EFHC1: variants seen among roughly 807,000 people sequenced by gnomAD.
The protein encoded by EFHC1 is EF-hand domain containing 1.
A neutral mutation model predicts 69.9 loss-of-function variants in EFHC1; 53 were observed. That is an observed-to-expected ratio of 0.76 (90% CI 0.61 to 0.95). The LOEUF (loss-of-function observed/expected upper bound fraction) is 0.95. Among genes scored for constraint, EFHC1 ranks in the 40% least tolerant of loss-of-function variants. The pLI, the probability that EFHC1 is intolerant of heterozygous loss-of-function variation, is 0.00. For missense variants in EFHC1, 739 were observed against 798.7 expected, an observed-to-expected ratio of 0.93 and a Z score of 0.90; for synonymous variants, 256 against 278.4, an observed-to-expected ratio of 0.92 and a Z score of 0.80.
At chr6:52,426,147 G>A (rs955382907) in intron 2 of EFHC1, among the ~76,000 whole-genome samples, 7 of 152,248 alleles carry the variant, frequency 4.6e-5, no homozygotes, top group South Asian at 2.1e-4. Flanking sequence ...ACCTTGTGAT[G>A]CCTTTAAGCA....
rs1225136454 is a variant in EFHC1 at position 52,490,159 on chromosome 6, C to T, written c.1660C>T (p.Pro554Ser). 6.2e-7 allele frequency: 1 copy of T among 1,613,822 alleles called. No individual in the cohort carries two copies. The highest frequency in any genetic ancestry group is 1.7e-5 in the Admixed American group (1 of 59,986). ...CTACAGCAAGCAAACTGAAAAGGAT[C>T]CAGGCGTGCAGGAATTGGAAGCATT... ...EAESKQTEKD[P>S]GVQELEALID... The change falls in exon 10 of 11, where the codon CCA (proline) becomes TCA (serine). Residue 554 changes from proline (P) to serine (S), a missense_variant. Physicochemically the swap from Pro to Ser is moderately conservative, Grantham distance 74 (BLOSUM62 -1). Coordinates refer to ENST00000371068, the MANE Select transcript of EFHC1 (RefSeq NM_018100.4).
chr6:52,458,889 G>A (rs1765101216), intron 5 of EFHC1, among the ~76,000 whole-genome samples: 2 of 152,204 alleles, frequency 1.3e-5, no homozygotes, highest in South Asian at 4.1e-4. Flanking sequence ...TAAAGAAAAT[G>A]TGTTAATGGT....
intron 5 of EFHC1, among the ~76,000 whole-genome samples, chr6:52,463,066 C>T (rs895449258): frequency 2.0e-5 from 3 of 151,656 alleles, no homozygotes; most frequent in African/African-American, 4.8e-5. Context: ...CTCTCTCTGT[C>T]GCCCAGGCTG....
At chr6:52,448,281 C>G (rs1042860645) in intron 3 of EFHC1, among the ~76,000 whole-genome samples, 1 of 152,248 alleles carries the variant, frequency 6.6e-6, no homozygotes, top group Non-Finnish European at 1.5e-5. Context: ...GCGGATGCCC[C>G]TCCACCAGCC....
intron 2 of EFHC1, 68 bp from the exon 3 acceptor site, chr6:52,438,236 C>T (rs1764576387): frequency 5.4e-6 from 8 of 1,472,390 alleles, no homozygotes; most frequent in Non-Finnish European, 7.5e-6. Flanking sequence ...CAGGAAGGTA[C>T]TTGATATTTT....
At chr6:52,440,017 G>T (rs983833795) in intron 3 of EFHC1, among the ~76,000 whole-genome samples, 3 of 151,934 alleles carry the variant, frequency 2.0e-5, no homozygotes, top group Non-Finnish European at 4.4e-5. Context: ...GTTTTTATGG[G>T]CAATTTGAAC....
At chr6:52,435,841 C>A (rs888847916) in intron 2 of EFHC1, among the ~76,000 whole-genome samples, 7 of 152,330 alleles carry the variant, frequency 4.6e-5, no homozygotes, top group African/African-American at 1.4e-4. Flanking sequence ...GTTAAGCTTT[C>A]TCTGACCACT....
chr6:52,434,884 C>CGT (rs143426212), intron 2 of EFHC1, among the ~76,000 whole-genome samples: 1 of 148,674 alleles, frequency 6.7e-6, no homozygotes, highest in African/African-American at 2.5e-5. Context: ...TACCTGAGAC[C>CGT]ATATATATAT....
chr6:52,428,445 G>C (rs547451894), intron 2 of EFHC1, among the ~76,000 whole-genome samples: 1 of 152,176 alleles, frequency 6.6e-6, no homozygotes, highest in East Asian at 1.9e-4. Flanking sequence ...ACAATGTTTG[G>C]TTTTCTATTC....
At position 52,427,658 on chromosome 6, in the gene EFHC1, TTATA is replaced by T. The variant is rs573546295; in HGVS notation, c.285+3494_285+3497del. On this transcript the variant is annotated intron_variant, in intron 2 of 10. Coordinates refer to ENST00000371068, the MANE Select transcript of EFHC1 (RefSeq NM_018100.4). ...GTGTATACTTCATGAAGGTAAGGAC[TTATA>T]TAGTTTATTATATATTTAGTGCTCA... Among the ~76,000 whole-genome samples, 237 of 152,304 alleles carry T rather than the reference TTATA, an allele frequency of 1.6e-3. 1 individual carries two copies. The highest frequency in any genetic ancestry group is 2.7e-3 in the Non-Finnish European group (186 of 68,022).
At chr6:52,452,558 T>C in intron 3 of EFHC1, 130 bp from the exon 4 acceptor site, 2 of 1,042,640 alleles carry the variant, frequency 1.9e-6, no homozygotes, top group East Asian at 5.1e-5. Context: ...TACCTCAGCC[T>C]CCCAAAGTGC....
At position 52,454,184 on chromosome 6, in the gene EFHC1, T is replaced by TA; in HGVS notation, c.814dup (p.Thr272AsnfsTer12). 6.2e-7 allele frequency: 1 copy of TA among 1,614,202 alleles called. No individual in the cohort carries two copies. The highest frequency in any genetic ancestry group is 8.5e-7 in the Non-Finnish European group (1 of 1,180,040). On this transcript the variant is annotated frameshift_variant, in exon 5 of 11. Transcript: ENST00000371068. LOFTEE classifies it high-confidence loss of function. ...TCATTCATTACTATCTTATGGATGA[T>TA]ACGGTGGAAATTCGAGAGGTCCACG...
rs764865555 is a variant in EFHC1 at position 52,479,018 on chromosome 6, CTT to C, written c.1279-16_1279-15del. On this transcript the variant is annotated splice_polypyrimidine_tract_variant and intron_variant, in intron 7 of 10. Coordinates refer to ENST00000371068, the MANE Select transcript of EFHC1 (RefSeq NM_018100.4). ...AGACCATGAACCTTCATAATATCCTCTTTTCTTCACCTTTGTAGGAATCCCCC... is the reference window on the plus strand; with the variant it reads ...AGACCATGAACCTTCATAATATCCTCTTCTTCACCTTTGTAGGAATCCCCC... The C allele has an allele frequency of 1.9e-6, 3 of 1,611,106 alleles. No homozygotes were observed. The highest frequency in any genetic ancestry group is 1.1e-5 in the South Asian group (1 of 91,002).
intron 8 of EFHC1, 97 bp downstream of exon 8, chr6:52,479,347 G>A: frequency 1.5e-6 from 2 of 1,314,886 alleles, no homozygotes; most frequent in South Asian, 1.2e-5. Context: ...CAATTAGATT[G>A]TATTGCAACT....
chr6:52,476,488 A>C lies in EFHC1; in HGVS notation c.1279-2549A>C, dbSNP rs573148900. Among the ~76,000 whole-genome samples the C allele has an allele frequency of 3.3e-4, 50 of 152,306 alleles. No homozygotes were observed. The South Asian group carries it at 0.01, about 31-fold the overall frequency. ...CCCATAATCTCAAAACATCTCCCCC[A>C]AGATGTTTTGTAATTGCAAAGGGAA... On this transcript the variant is annotated intron_variant, in intron 7 of 10. Transcript: ENST00000371068.
At chr6:52,480,118 A>T (rs1765643369) in intron 9 of EFHC1, 1 of 546,124 alleles carries the variant, frequency 1.8e-6, no homozygotes, top group Non-Finnish European at 3.3e-6. Context: ...CTTACTGATA[A>T]CATAAACAGT....
intron 3 of EFHC1, among the ~76,000 whole-genome samples, chr6:52,447,281 A>G (rs1764808440): frequency 1.3e-5 from 2 of 152,032 alleles, no homozygotes; most frequent in African/African-American, 4.8e-5. Flanking sequence ...TTTTTTCTCT[A>G]AACTTCTCTT....
At chr6:52,475,342 A>G (rs905003908) in intron 7 of EFHC1, among the ~76,000 whole-genome samples, 5 of 152,208 alleles carry the variant, frequency 3.3e-5, no homozygotes, top group African/African-American at 4.8e-5. Flanking sequence ...ATCAGAGACA[A>G]ATTAATTAAA....
intron 9 of EFHC1, chr6:52,483,024 T>C (rs1032454918): frequency 2.5e-6 from 1 of 394,876 alleles, no homozygotes; most frequent in Non-Finnish European, 4.5e-6. Flanking sequence ...CTACACACTT[T>C]ACTGTCTGCG....
Sources: gnomAD v4.1 joint callset for allele counts (sites outside exome capture counted in the v4.1 genomes callset) on GRCh38, gnomAD v4.1.1 for gene constraint, MANE v1.5 for transcripts, NCBI Gene and HGNC (gene_info 2026-07-23, HGNC 2026-07-21) for gene names.